Variants in TMPRSS15 observed in about 807,000 individuals in gnomAD.
TMPRSS15 encodes transmembrane serine protease 15.
Under a neutral mutation model 125.3 loss-of-function variants are expected in TMPRSS15, and 128 were observed. That is an observed-to-expected ratio of 1.02 (90% CI 0.89 to 1.18). The LOEUF (loss-of-function observed/expected upper bound fraction) is 1.18, where lower values mean the gene tolerates loss of function less well. Ranked by LOEUF, TMPRSS15 falls within the 50% of genes most tolerant of loss-of-function variation. The probability of loss-of-function intolerance (pLI) is 0.00; values close to 1 mark genes in which losing one functional copy is unlikely to be tolerated. For missense variants in TMPRSS15, 1,283 were observed against 1,212.7 expected (o/e 1.06, Z -0.86); for synonymous variants, 446 against 423.2 (o/e 1.05, Z -0.66).
intron 16 of TMPRSS15, among the ~76,000 whole-genome samples, chr21:18,318,188 C>T (rs1013005891): frequency 2.0e-5 from 3 of 152,112 alleles, no homozygotes; most frequent in Non-Finnish European, 4.4e-5. Context: ...GGCAGGGAAG[C>T]CCGGCTCTAG....
chr21:18,302,729 AT>A (rs887640479), intron 18 of TMPRSS15, among the ~76,000 whole-genome samples: 1 of 152,198 alleles, frequency 6.6e-6, no homozygotes, highest in Non-Finnish European at 1.5e-5. Context: ...ATGCAATGGT[AT>A]TACAAAGGAA....
chr21:18,341,362 C>T, intron 13 of TMPRSS15, 51 bp downstream of exon 13: 5 of 1,611,572 alleles, frequency 3.1e-6, no homozygotes, highest in Non-Finnish European at 4.2e-6. Context: ...TGAGCCTCCA[C>T]ACCTGACGTT....
At chr21:18,280,239 T>A (rs1305986258) in intron 22 of TMPRSS15, among the ~76,000 whole-genome samples, 1 of 152,092 alleles carries the variant, frequency 6.6e-6, no homozygotes, top group East Asian at 1.9e-4. Flanking sequence ...AGGAAGTCCT[T>A]CATTTGTCAC....
chr21:18,293,478 G>T (rs547930170), intron 21 of TMPRSS15, among the ~76,000 whole-genome samples: 1 of 152,138 alleles, frequency 6.6e-6, no homozygotes, highest in Non-Finnish European at 1.5e-5. Flanking sequence ...AAGCTCATAC[G>T]TATTATATGA....
chr21:18,411,695 G>A (rs886355594), intron 1 of TMPRSS15, among the ~76,000 whole-genome samples: 5 of 151,742 alleles, frequency 3.3e-5, no homozygotes, highest in African/African-American at 1.2e-4. Flanking sequence ...TTGCTTCCTC[G>A]CCCTTCATCC....
chr21:18,430,018 G>A (rs1457603634), intron 1 of TMPRSS15, among the ~76,000 whole-genome samples: 1 of 152,144 alleles, frequency 6.6e-6, no homozygotes, highest in African/African-American at 2.4e-5. Context: ...TGTATGTTCA[G>A]CTCATGAATC....
At chr21:18,436,194 T>C (rs1191655808) in intron 1 of TMPRSS15, among the ~76,000 whole-genome samples, 1 of 151,038 alleles carries the variant, frequency 6.6e-6, no homozygotes, top group East Asian at 1.9e-4. Context: ...TGTTTGCTCT[T>C]GCTTTTCTAG....
At chr21:18,301,349 A>G (rs1004138719) in intron 18 of TMPRSS15, among the ~76,000 whole-genome samples, 1 of 152,236 alleles carries the variant, frequency 6.6e-6, no homozygotes, top group African/African-American at 2.4e-5. Flanking sequence ...GCAGAAGTTT[A>G]CAACAAACTA....
chr21:18,346,627 A>G (rs906786420), intron 10 of TMPRSS15, among the ~76,000 whole-genome samples: 2 of 152,184 alleles, frequency 1.3e-5, no homozygotes, highest in African/African-American at 4.8e-5. Context: ...CACTTAAAGT[A>G]TGGAAACTCA....
intron 16 of TMPRSS15, among the ~76,000 whole-genome samples, chr21:18,326,036 G>T (rs2075285901): frequency 6.6e-6 from 1 of 151,980 alleles, no homozygotes; most frequent in African/African-American, 2.4e-5. Flanking sequence ...ATTGAATGTT[G>T]TTGGCATGCC....
chr21:18,331,855 T>C (rs1367771286), intron 14 of TMPRSS15, among the ~76,000 whole-genome samples: 1 of 152,172 alleles, frequency 6.6e-6, no homozygotes, highest in African/African-American at 2.4e-5. Context: ...TTGTGGGAAA[T>C]GAATGAAATA....
At chr21:18,403,823 G>A (rs1257123732), upstream of TMPRSS15, among the ~76,000 whole-genome samples, 1 of 152,148 alleles carries the variant, frequency 6.6e-6, no homozygotes, top group Non-Finnish European at 1.5e-5. Flanking sequence ...CATTAAAAGG[G>A]TAGTTAATCT....
intron 1 of TMPRSS15, among the ~76,000 whole-genome samples, chr21:18,442,699 G>T (rs1004581557): frequency 6.6e-6 from 1 of 152,192 alleles, no homozygotes; most frequent in South Asian, 2.1e-4. Context: ...TTCAAATACT[G>T]CTCTGTTTAT....
intron 17 of TMPRSS15, 57 bp downstream of exon 17, chr21:18,315,089 A>G: frequency 7.6e-7 from 1 of 1,324,138 alleles, no homozygotes; most frequent in South Asian, 1.2e-5. Context: ...TTGACACTGT[A>G]GAGTCCAAAT....
At chr21:18,285,585 C>A (rs369103790) in intron 21 of TMPRSS15, among the ~76,000 whole-genome samples, 2 of 152,058 alleles carry the variant, frequency 1.3e-5, no homozygotes, top group African/African-American at 4.8e-5. Flanking sequence ...CTAGCCAATT[C>A]GAATATTTAA....
At chr21:18,305,951 T>G (rs1414864522) in intron 18 of TMPRSS15, among the ~76,000 whole-genome samples, 4 of 152,182 alleles carry the variant, frequency 2.6e-5, no homozygotes, top group African/African-American at 9.7e-5. Context: ...TAAGATTTCT[T>G]CCACAACCTT....
Position 18,270,225 on chromosome 21 carries a change from A to T in TMPRSS15, c.2905-101T>A, listed in dbSNP as rs571077499. 236 of 1,056,960 alleles carry T rather than the reference A, an allele frequency of 2.2e-4. No individual in the cohort carries two copies. The African/African-American group carries it at 2.9e-3, about 13-fold the overall frequency. 65.5% of individuals were successfully genotyped at this position (1,056,960 alleles called of 1,614,324 possible). On this transcript the variant is annotated intron_variant, in intron 24 of 24. Transcript: ENST00000284885. Reference sequence around the variant, plus strand: ...ATAAATTAAAAAATAAAAATTAATTAAAAAATATGATTTAATTGCAAGTCA... The same window carrying T: ...ATAAATTAAAAAATAAAAATTAATTTAAAAATATGATTTAATTGCAAGTCA...
chr21:18,374,254 A>T (rs1298606955), intron 5 of TMPRSS15, among the ~76,000 whole-genome samples: 1 of 151,268 alleles, frequency 6.6e-6, no homozygotes, highest in Admixed American at 6.6e-5. Flanking sequence ...CGGGTGGATC[A>T]TGAGGTCAGG....
chr21:18,401,037 T>C (rs1027047986), intron 1 of TMPRSS15, among the ~76,000 whole-genome samples: 1 of 152,164 alleles, frequency 6.6e-6, no homozygotes, highest in African/African-American at 2.4e-5. Context: ...AGATACCATC[T>C]CATGCTGGTC....
Sources: allele counts gnomAD v4.1 joint callset (sites outside exome capture counted in the v4.1 genomes callset), GRCh38; gene constraint gnomAD v4.1.1; transcripts MANE v1.5; gene names NCBI Gene and HGNC (gene_info 2026-07-23, HGNC 2026-07-21).